Variants in TGFA observed in about 807,000 individuals in gnomAD.
TGFA encodes the protein protransforming growth factor alpha.
In TGFA, 12 loss-of-function variants were observed where a neutral mutation model predicts 21.7. The observed-to-expected ratio is 0.55, with a 90% confidence interval of 0.35 to 0.90. The LOEUF (loss-of-function observed/expected upper bound fraction) is 0.90, where lower values mean the gene tolerates loss of function less well. TGFA is among the 40% of genes least tolerant of loss of function. The pLI is 0.01. For missense variants in TGFA, 178 were observed against 210.8 expected (o/e 0.84, Z 0.96); for synonymous variants, 79 against 88.1 (o/e 0.90, Z 0.58).
At chr2:70,483,364 G>A (rs1479924837) in intron 2 of TGFA, among the ~76,000 whole-genome samples, 4 of 152,066 alleles carry the variant, frequency 2.6e-5, no homozygotes, top group African/African-American at 9.7e-5. Context: ...TCCATTCTCT[G>A]AGCAATTTTT....
intron 2 of TGFA, among the ~76,000 whole-genome samples, chr2:70,485,579 A>G (rs529118929): frequency 6.6e-6 from 1 of 152,254 alleles, no homozygotes. Flanking sequence ...GAATCAATCC[A>G]AAGGAACCGA....
chr2:70,543,621 G>A (rs1257345297), intron 1 of TGFA, among the ~76,000 whole-genome samples: 1 of 151,864 alleles, frequency 6.6e-6, no homozygotes, highest in African/African-American at 2.4e-5. Flanking sequence ...ATAAATCTAT[G>A]CTAAAATTTT....
chr2:70,518,618 T>G (rs1460886680), intron 1 of TGFA, among the ~76,000 whole-genome samples: 1 of 152,172 alleles, frequency 6.6e-6, no homozygotes. Context: ...CAGAGCAGGA[T>G]ACCCCCACTC....
intron 2 of TGFA, 136 bp downstream of exon 2, chr2:70,514,723 G>A (rs545350722): frequency 4.3e-6 from 4 of 920,190 alleles, no homozygotes; most frequent in Admixed American, 4.0e-5. Flanking sequence ...CCCCTGAGGA[G>A]GGGGCAGAGA....
chr2:70,516,134 G>A (rs1672269334), intron 1 of TGFA, among the ~76,000 whole-genome samples: 1 of 152,242 alleles, frequency 6.6e-6, no homozygotes, highest in Non-Finnish European at 1.5e-5. Context: ...ATCAGCATGA[G>A]CCACATTAGA....
intron 2 of TGFA, among the ~76,000 whole-genome samples, chr2:70,483,878 A>C (rs1304449020): frequency 6.6e-6 from 1 of 152,138 alleles, no homozygotes; most frequent in African/African-American, 2.4e-5. Context: ...ATGTTCTTGC[A>C]TAACTTACTA....
At chr2:70,541,966 C>A (rs923785437) in intron 1 of TGFA, among the ~76,000 whole-genome samples, 1 of 152,136 alleles carries the variant, frequency 6.6e-6, no homozygotes, top group Non-Finnish European at 1.5e-5. Flanking sequence ...ATGCGATCCT[C>A]CACTGCAAAA....
intron 1 of TGFA, among the ~76,000 whole-genome samples, chr2:70,519,061 T>C (rs1553501939): frequency 6.6e-6 from 1 of 151,834 alleles, no homozygotes; most frequent in African/African-American, 2.4e-5. Context: ...TCAGACGAGG[T>C]GGTGAGGAAA....
In TGFA at chr2:70,459,561, C is replaced by T. The variant is rs1185483164; in HGVS notation, c.216-3073G>A. On this transcript the variant is annotated intron_variant, in intron 3 of 5. Coordinates refer to ENST00000295400, the MANE Select transcript of TGFA (RefSeq NM_003236.4). The stretch of plus-strand genomic sequence containing the variant: ...AGATGGGCTACTGATTGTCCTGGAG[C>T]GAGGTCTCCTTGCTCAGTGTGGCAA... 2.0e-5 allele frequency among the ~76,000 whole-genome samples: 3 copies of T among 152,134 alleles called. No homozygotes were observed. The South Asian group carries it at 6.2e-4, about 32-fold the overall frequency.
At chr2:70,519,538 C>T (rs563420100) in intron 1 of TGFA, among the ~76,000 whole-genome samples, 76 of 152,256 alleles carry the variant, frequency 5.0e-4, no homozygotes, top group African/African-American at 1.7e-3. Context: ...AGGGAAGGCC[C>T]TGCAGAGGAG....
intron 1 of TGFA, among the ~76,000 whole-genome samples, chr2:70,521,381 T>C (rs782326847): frequency 7.2e-5 from 11 of 152,104 alleles, no homozygotes; most frequent in Admixed American, 1.3e-4. Context: ...GTGCCTTGGG[T>C]TCATGCTACT....
intron 2 of TGFA, among the ~76,000 whole-genome samples, chr2:70,484,260 T>C (rs1387677009): frequency 6.6e-6 from 1 of 152,232 alleles, no homozygotes; most frequent in East Asian, 1.9e-4. Flanking sequence ...TCTTCAGGTG[T>C]TCAATTTGCA....
chr2:70,532,218 A>G (rs1257741777), intron 1 of TGFA, among the ~76,000 whole-genome samples: 4 of 152,248 alleles, frequency 2.6e-5, no homozygotes, highest in Admixed American at 6.5e-5. Context: ...GAAACCATTT[A>G]TGGGAGAAGC....
At chr2:70,484,851 T>A (rs1671224311) in intron 2 of TGFA, among the ~76,000 whole-genome samples, 1 of 152,166 alleles carries the variant, frequency 6.6e-6, no homozygotes, top group African/African-American at 2.4e-5. Context: ...TTGCTTTTGT[T>A]CAAGTTAGTT....
chr2:70,463,688 C>G (rs1364991741), intron 3 of TGFA, among the ~76,000 whole-genome samples: 1 of 152,126 alleles, frequency 6.6e-6, no homozygotes. Flanking sequence ...ACAAGAGGCC[C>G]TGTATGCTTG....
intron 1 of TGFA, among the ~76,000 whole-genome samples, chr2:70,539,355 C>T (rs570433670): frequency 6.6e-6 from 1 of 152,066 alleles, no homozygotes; most frequent in South Asian, 2.1e-4. Context: ...TCATACCTAT[C>T]CCTCTAGTCT....
At chr2:70,456,316 C>T (rs1401961653) in intron 4 of TGFA, 23 bp downstream of exon 4, 40 of 1,537,708 alleles carry the variant, frequency 2.6e-5, no homozygotes, top group Non-Finnish European at 2.7e-5. Context: ...GGGGACCTGG[C>T]CTTAGGGGCA....
chr2:70,541,102 C>T (rs782559873), intron 1 of TGFA, among the ~76,000 whole-genome samples: 21 of 152,186 alleles, frequency 1.4e-4, no homozygotes, highest in Non-Finnish European at 2.8e-4. Flanking sequence ...TGATCAATTT[C>T]TCATGATTCA....
intron 1 of TGFA, among the ~76,000 whole-genome samples, chr2:70,538,087 A>G (rs1553504712): frequency 1.3e-5 from 2 of 152,216 alleles, no homozygotes; most frequent in South Asian, 2.1e-4. Context: ...TCCTCTACAA[A>G]TGGAACAGCA....
Sources: gnomAD v4.1 joint callset for allele counts (sites outside exome capture counted in the v4.1 genomes callset) on GRCh38, gnomAD v4.1.1 for gene constraint, MANE v1.5 for transcripts, NCBI Gene and HGNC (gene_info 2026-07-23, HGNC 2026-07-21) for gene names.